Variants in MID1 observed in about 807,000 individuals in gnomAD.
MID1 encodes the protein E3 ubiquitin-protein ligase Midline-1.
Under a neutral mutation model 40.4 loss-of-function variants are expected in MID1, and 7 were observed. The ratio of observed to expected loss-of-function variants is 0.17; its 90% CI spans 0.10 to 0.33. MID1 has a LOEUF of 0.33. Among genes scored for constraint, MID1 ranks in the 10% least tolerant of loss-of-function variants. The probability of loss-of-function intolerance (pLI) is 1.00; values close to 1 mark genes in which losing one functional copy is unlikely to be tolerated. For missense variants in MID1, 367 were observed against 558.5 expected, an observed-to-expected ratio of 0.66 and a Z score of 3.46; for synonymous variants, 229 against 221.2, an observed-to-expected ratio of 1.04 and a Z score of -0.31.
At chrX:10,560,881 C>T (rs1468480209) in intron 2 of MID1, among the ~76,000 whole-genome samples, 4 of 100,580 alleles carry the variant, frequency 4.0e-5, no homozygotes, top group Non-Finnish European at 5.8e-5. Flanking sequence ...TTAAATTTAA[C>T]GTGGAACCAA....
At chrX:10,815,281 G>A (rs895677309) in intron 1 of MID1, among the ~76,000 whole-genome samples, 1 of 111,694 alleles carries the variant, frequency 9.0e-6, no homozygotes, top group Non-Finnish European at 1.9e-5. Context: ...TGACCCCAAA[G>A]GGTCAGTCAT....
intron 3 of MID1, among the ~76,000 whole-genome samples, chrX:10,497,343 G>A (rs1437928331): frequency 8.9e-6 from 1 of 111,794 alleles, no homozygotes; most frequent in Non-Finnish European, 1.9e-5. Flanking sequence ...GCCCTTCTGC[G>A]CACTTTCTTG....
chrX:10,752,601 G>A (rs759209416), intron 1 of MID1, among the ~76,000 whole-genome samples: 6 of 111,416 alleles, frequency 5.4e-5, no homozygotes, highest in East Asian at 5.7e-4. Context: ...AAGAGCCCAT[G>A]GAAGCCAACT....
chrX:10,684,540 A>T (rs1602515711), intron 1 of MID1, among the ~76,000 whole-genome samples: 1 of 107,264 alleles, frequency 9.3e-6, no homozygotes, highest in Non-Finnish European at 1.9e-5. Context: ...AGCAGCTGGG[A>T]CTACAGGCGT....
chrX:10,772,526 A>G (rs202214871), intron 1 of MID1, among the ~76,000 whole-genome samples: 2 of 110,058 alleles, frequency 1.8e-5, no homozygotes, highest in East Asian at 5.7e-4. Flanking sequence ...TTACTCATGT[A>G]ACTAAATACC....
chrX:10,816,771 T>C (rs1383749936), intron 1 of MID1, among the ~76,000 whole-genome samples: 2 of 112,384 alleles, frequency 1.8e-5, no homozygotes, highest in Non-Finnish European at 3.8e-5. Context: ...ATTTTGAATA[T>C]TGTTTAAGAA....
chrX:10,634,190 T>A (rs1200857835), intron 1 of MID1, among the ~76,000 whole-genome samples: 1 of 110,606 alleles, frequency 9.0e-6, no homozygotes, highest in African/African-American at 3.3e-5. Flanking sequence ...TAAAAGAAAA[T>A]GCTAAGAAAA....
intron 1 of MID1, among the ~76,000 whole-genome samples, chrX:10,601,997 C>T (rs757296097): frequency 4.7e-5 from 5 of 107,405 alleles, no homozygotes; most frequent in Non-Finnish European, 5.8e-5. Flanking sequence ...CCCGGGTTCA[C>T]GCCCATTCTC....
chrX:10,510,226 C>A (rs1932046281), intron 3 of MID1, among the ~76,000 whole-genome samples: 1 of 111,257 alleles, frequency 9.0e-6, no homozygotes, highest in African/African-American at 3.3e-5. Context: ...AATTTACATG[C>A]AAGGAAATGC....
In MID1 at chrX:10,698,243, C is replaced by T. The variant is rs767174003; in HGVS notation, c.-186-77824G>A. The stretch of plus-strand genomic sequence containing the variant: ...ATTCTGATGTGGTGACACCTGCCCC[C>T]CATCCCTGCAACCATCCAGAAAAAA... On this transcript the variant is annotated intron_variant, in intron 1 of 10. Coordinates refer to the MID1 transcript ENST00000380785. Among the ~76,000 whole-genome samples the T allele has an allele frequency of 3.1e-5, 3 of 98,017 alleles. No homozygotes were observed. The East Asian group carries it at 1.2e-3, about 39-fold the overall frequency. 85.1% of individuals were successfully genotyped at this position (98,017 alleles called of 115,157 possible).
At chrX:10,638,335 C>A (rs112283727) in intron 1 of MID1, among the ~76,000 whole-genome samples, 2,188 of 112,304 alleles carry the variant, frequency 0.019, 52 homozygotes, top group African/African-American at 0.067. Context: ...ATGGCCTTAG[C>A]AAACGGCACA....
chrX:10,579,758 CT>C (rs1246857797), intron 1 of MID1, among the ~76,000 whole-genome samples: 1 of 110,236 alleles, frequency 9.1e-6, no homozygotes, highest in Admixed American at 9.7e-5. Context: ...AACATTTCCC[CT>C]GATCACTGAA....
chrX:10,813,228 A>G (rs1366978081), intron 1 of MID1, among the ~76,000 whole-genome samples: 1 of 110,166 alleles, frequency 9.1e-6, no homozygotes, highest in Admixed American at 9.7e-5. Flanking sequence ...AAAGAATTCC[A>G]ATGCCTCTTT....
At chrX:10,550,074 C>T (rs972067570) in intron 2 of MID1, among the ~76,000 whole-genome samples, 1 of 112,668 alleles carries the variant, frequency 8.9e-6, no homozygotes, top group African/African-American at 3.2e-5. Flanking sequence ...TTAAAATAGA[C>T]TAACAGATTT....
chrX:10,731,830 C>T lies in MID1; in HGVS notation c.-187+101724G>A, dbSNP rs151079634. Among the ~76,000 whole-genome samples the T allele has an allele frequency of 2.0e-3, 215 of 108,720 alleles. 2 individuals carry two copies. The highest frequency in any genetic ancestry group is 6.9e-3 in the African/African-American group (206 of 29,896). The allele number at this position is 108,720 out of a possible 115,157, so 94.4% of individuals were successfully genotyped here. On this transcript the variant is annotated intron_variant, in intron 1 of 10. Coordinates refer to the MID1 transcript ENST00000380785. Reference sequence around the variant, plus strand: ...CAAAAATTAGCTGGGCTTGGTGGCGCATGCCTGTAATCCCAGCTACTCAAG... The same window carrying T: ...CAAAAATTAGCTGGGCTTGGTGGCGTATGCCTGTAATCCCAGCTACTCAAG...
rs144511791 is a variant in MID1, at chrX:10,731,291, T to G, written c.-187+102263A>C. Reference sequence around the variant, plus strand: ...AAAAGGCAGAGAGTGTCAGACTGGATAAAAAGCAAAGCGAAACAAAATAAA... The same window carrying G: ...AAAAGGCAGAGAGTGTCAGACTGGAGAAAAAGCAAAGCGAAACAAAATAAA... On this transcript the variant is annotated intron_variant, in intron 1 of 10. Transcript: ENST00000380785. Among the ~76,000 whole-genome samples the G allele has an allele frequency of 4.7e-3, 528 of 111,678 alleles. 3 individuals carry two copies. Among genetic ancestry groups the G allele is most frequent in the African/African-American group, 0.016 (495 of 30,771 alleles).
intron 1 of MID1, among the ~76,000 whole-genome samples, chrX:10,669,230 TAAAAAAAAAAA>T (rs761817483): frequency 4.3e-5 from 2 of 47,019 alleles, no homozygotes; most frequent in Admixed American, 2.9e-4. Flanking sequence ...CGTCTCAAAA[TAAAAAAAAAAA>T]AAAAAAAAAA....
At chrX:10,730,039 G>A (rs1204630251) in intron 1 of MID1, among the ~76,000 whole-genome samples, 1 of 106,754 alleles carries the variant, frequency 9.4e-6, no homozygotes, top group Non-Finnish European at 1.9e-5. Context: ...AGCCGAGATA[G>A]TGCCACTGCA....
intron 1 of MID1, among the ~76,000 whole-genome samples, chrX:10,668,914 G>A (rs187994527): frequency 8.9e-6 from 1 of 111,874 alleles, no homozygotes; most frequent in East Asian, 2.8e-4. Context: ...TTCTTGTTTC[G>A]TTAGTCTTAG....
Sources: gnomAD v4.1 joint callset for allele counts (sites outside exome capture counted in the v4.1 genomes callset) on GRCh38, gnomAD v4.1.1 for gene constraint, MANE v1.5 for transcripts, NCBI Gene and HGNC (gene_info 2026-07-23, HGNC 2026-07-21) for gene names.